LRRTM4: variants seen among roughly 807,000 people sequenced by gnomAD.
LRRTM4 encodes the protein leucine rich repeat transmembrane neuronal 4.
Under a neutral mutation model 47.6 loss-of-function variants are expected in LRRTM4, and 25 were observed. That is an observed-to-expected ratio of 0.53 (90% CI 0.38 to 0.73). The LOEUF (loss-of-function observed/expected upper bound fraction) is 0.73. Ranked by LOEUF, LRRTM4 falls within the 30% of genes least tolerant of loss-of-function variation. The pLI is 0.00. For missense variants in LRRTM4, 638 were observed against 713.4 expected (o/e 0.89, Z 1.20); for synonymous variants, 311 against 269.5 (o/e 1.15, Z -1.51).
At chr2:77,031,272 A>G (rs190590628) in intron 3 of LRRTM4, among the ~76,000 whole-genome samples, 3 of 152,088 alleles carry the variant, frequency 2.0e-5, no homozygotes, top group Non-Finnish European at 4.4e-5. Context: ...TTCTTTTTTC[A>G]TTAAGAATGG....
At chr2:77,366,189 T>C (rs1012833224) in intron 3 of LRRTM4, among the ~76,000 whole-genome samples, 3 of 151,752 alleles carry the variant, frequency 2.0e-5, no homozygotes, top group Non-Finnish European at 4.4e-5. Flanking sequence ...CCCAATCCAA[T>C]CTGGCCTCTT....
chr2:77,075,476 A>G (rs1191148407), intron 3 of LRRTM4, among the ~76,000 whole-genome samples: 2 of 152,200 alleles, frequency 1.3e-5, no homozygotes, highest in Non-Finnish European at 2.9e-5. Flanking sequence ...GGATATAGCC[A>G]AGGTGGCAGC....
At chr2:77,128,071 A>T (rs1363293780) in intron 3 of LRRTM4, among the ~76,000 whole-genome samples, 4 of 151,604 alleles carry the variant, frequency 2.6e-5, no homozygotes, top group African/African-American at 4.9e-5. Flanking sequence ...TGAACCCAGG[A>T]GGCAGAGGTT....
Position 77,051,549 on chromosome 2 carries a change from C to G in LRRTM4, c.1552-302633G>C, listed in dbSNP as rs1679431953. ...AGACTGAGTGACTGAAGCCAAAATACATTAATTCCACCAGTGAATCACTAG... is the reference window on the plus strand; with the variant it reads ...AGACTGAGTGACTGAAGCCAAAATAGATTAATTCCACCAGTGAATCACTAG... On this transcript the variant is annotated intron_variant, in intron 3 of 3. Transcript: ENST00000409884. 2.0e-5 allele frequency among the ~76,000 whole-genome samples: 3 copies of G among 152,128 alleles called. No individual in the cohort carries two copies. The South Asian group carries it at 6.2e-4, about 32-fold the overall frequency.
At chr2:77,346,703 A>G (rs1573289580) in intron 3 of LRRTM4, among the ~76,000 whole-genome samples, 1 of 152,164 alleles carries the variant, frequency 6.6e-6, no homozygotes, top group East Asian at 1.9e-4. Context: ...TAATTTTAAC[A>G]TTGTTTAATT....
chr2:77,392,827 A>T (rs1280450784), intron 3 of LRRTM4, among the ~76,000 whole-genome samples: 1 of 152,042 alleles, frequency 6.6e-6, no homozygotes, highest in Non-Finnish European at 1.5e-5. Context: ...AGCATAGCTA[A>T]TAACAGTACA....
intron 3 of LRRTM4, among the ~76,000 whole-genome samples, chr2:77,083,450 CCA>C (rs1433033851): frequency 1.3e-5 from 2 of 152,104 alleles, no homozygotes; most frequent in Non-Finnish European, 2.9e-5. Flanking sequence ...AAAAAATCTA[CCA>C]CATATTTCAC....
intron 3 of LRRTM4, among the ~76,000 whole-genome samples, chr2:76,781,845 A>G (rs1294157375): frequency 6.6e-6 from 1 of 152,060 alleles, no homozygotes; most frequent in Admixed American, 6.6e-5. Flanking sequence ...TTAAAAATCT[A>G]TTCAGGTAAA....
intron 3 of LRRTM4, among the ~76,000 whole-genome samples, chr2:76,796,258 A>ACC (rs1675318577): frequency 7.7e-6 from 1 of 130,454 alleles, no homozygotes; most frequent in Non-Finnish European, 1.6e-5. Context: ...CCGCCATTGA[A>ACC]CAGGCTTGAT....
At chr2:77,157,675 A>G (rs758243720) in intron 3 of LRRTM4, among the ~76,000 whole-genome samples, 1 of 152,072 alleles carries the variant, frequency 6.6e-6, no homozygotes, top group Non-Finnish European at 1.5e-5. Flanking sequence ...CTATCTTCCT[A>G]TGGAATTTTT....
At chr2:77,377,794 A>C (rs1019185626) in intron 3 of LRRTM4, among the ~76,000 whole-genome samples, 8 of 152,030 alleles carry the variant, frequency 5.3e-5, no homozygotes, top group Admixed American at 5.3e-4. Flanking sequence ...TGTAATACTA[A>C]GACATTCCTT....
At chr2:77,040,340 C>A (rs756799719) in intron 3 of LRRTM4, among the ~76,000 whole-genome samples, 1 of 151,230 alleles carries the variant, frequency 6.6e-6, no homozygotes, top group Non-Finnish European at 1.5e-5. Flanking sequence ...AAATGGTGCA[C>A]ACGAAATAAC....
chr2:77,081,545 C>T (rs1229811380), intron 3 of LRRTM4, among the ~76,000 whole-genome samples: 1 of 151,874 alleles, frequency 6.6e-6, no homozygotes, highest in East Asian at 1.9e-4. Flanking sequence ...TATCTATCTG[C>T]CACTCACTCC....
At chr2:77,165,186 T>G (rs1032031682) in intron 3 of LRRTM4, among the ~76,000 whole-genome samples, 2 of 152,082 alleles carry the variant, frequency 1.3e-5, no homozygotes, top group African/African-American at 2.4e-5. Flanking sequence ...TATAAACATC[T>G]CTATGCAAAT....
At chr2:76,851,770 T>C (rs1672004032) in intron 3 of LRRTM4, among the ~76,000 whole-genome samples, 1 of 151,064 alleles carries the variant, frequency 6.6e-6, no homozygotes, top group African/African-American at 2.4e-5. Flanking sequence ...TTTTTTTTTT[T>C]TTTTTGACAT....
intron 3 of LRRTM4, among the ~76,000 whole-genome samples, chr2:76,783,865 A>G (rs963673756): frequency 3.3e-5 from 5 of 152,296 alleles, no homozygotes; most frequent in Middle Eastern, 3.4e-3. Context: ...TCAGAGTAAG[A>G]TGGGAGAAGA....
At chr2:77,418,770 C>T (rs1674747385) in intron 3 of LRRTM4, among the ~76,000 whole-genome samples, 1 of 152,184 alleles carries the variant, frequency 6.6e-6, no homozygotes, top group Non-Finnish European at 1.5e-5. Flanking sequence ...ATACACATGA[C>T]TTTGCACAAA....
chr2:76,760,080 ATATT>A (rs1305088445), intron 3 of LRRTM4, among the ~76,000 whole-genome samples: 3 of 152,116 alleles, frequency 2.0e-5, no homozygotes, highest in African/African-American at 4.8e-5. Flanking sequence ...AATTTGAGAG[ATATT>A]TATTAGAGAA....
intron 3 of LRRTM4, among the ~76,000 whole-genome samples, chr2:77,400,233 A>C (rs1386364280): frequency 1.3e-5 from 2 of 151,462 alleles, no homozygotes; most frequent in African/African-American, 4.9e-5. Context: ...TCCATTCTAA[A>C]TATTCCTGTT....
Sources: allele counts gnomAD v4.1 joint callset (sites outside exome capture counted in the v4.1 genomes callset), GRCh38; gene constraint gnomAD v4.1.1; transcripts MANE v1.5; gene names NCBI Gene and HGNC (gene_info 2026-07-23, HGNC 2026-07-21).